RARS2: variants seen among roughly 807,000 people sequenced by gnomAD.
RARS2 encodes the protein arginyl-tRNA synthetase 2, mitochondrial, also known as probable arginine--tRNA ligase, mitochondrial.
Under a neutral mutation model 88.5 loss-of-function variants are expected in RARS2, and 67 were observed. The observed-to-expected ratio is 0.76, with a 90% CI of 0.62 to 0.93. The LOEUF (loss-of-function observed/expected upper bound fraction) is 0.93. RARS2 is among the 40% of genes least tolerant of loss of function. The probability of loss-of-function intolerance (pLI) is 0.00; values close to 1 mark genes in which losing one functional copy is unlikely to be tolerated. For missense variants in RARS2, 664 were observed against 684.2 expected (o/e 0.97, Z 0.33); for synonymous variants, 239 against 230.3 (o/e 1.04, Z -0.34).
intron 1 of RARS2, among the ~76,000 whole-genome samples, chr6:87,577,344 A>T (rs1771879079): frequency 6.6e-6 from 1 of 152,074 alleles, no homozygotes; most frequent in Admixed American, 6.5e-5. Flanking sequence ...GGTGTACACC[A>T]CCATGCCTGG....
intron 8 of RARS2, among the ~76,000 whole-genome samples, chr6:87,532,149 T>C (rs1346553328): frequency 1.3e-5 from 2 of 152,216 alleles, no homozygotes; most frequent in Admixed American, 6.6e-5. Context: ...TCATAGATGA[T>C]CTATGTTAAT....
chr6:87,552,614 T>C (rs769038024), intron 5 of RARS2, among the ~76,000 whole-genome samples: 2 of 152,146 alleles, frequency 1.3e-5, no homozygotes, highest in Admixed American at 6.5e-5. Flanking sequence ...AGGTTATTTT[T>C]AGATATTTTT....
At chr6:87,535,692 T>C (rs1015076887) in intron 8 of RARS2, among the ~76,000 whole-genome samples, 33 of 150,010 alleles carry the variant, frequency 2.2e-4, no homozygotes, top group African/African-American at 7.9e-4. Flanking sequence ...TTTTTTTTTT[T>C]TTGAGACAGA....
At chr6:87,537,782 G>A (rs1409064691) in intron 8 of RARS2, among the ~76,000 whole-genome samples, 2 of 152,136 alleles carry the variant, frequency 1.3e-5, no homozygotes, top group East Asian at 1.9e-4. Context: ...GTTTTCCTTC[G>A]AATAAATCAG....
rs745922076 is a variant in RARS2, at chr6:87,524,639, C to T, written c.892G>A (p.Val298Ile). The T allele has an allele frequency of 6.2e-7, 1 of 1,611,848 alleles. No homozygotes were observed. The highest frequency in any genetic ancestry group is 1.1e-5 in the South Asian group (1 of 91,014). The part of the protein sequence containing the change: ...LLLKTIKGTA[V>I]VDLSGNGDPS... ...TCGCCATTCCCAGAGAGATCTACTA[C>T]AGCCGTTCCTTTTCTAGAAATTCGA... The change falls in exon 11 of 20, where the codon GTA becomes ATA. Residue 298 changes from valine (V) to isoleucine (I), a missense_variant. Physicochemically the swap from Val to Ile is conservative, Grantham distance 29. Coordinates refer to ENST00000369536, the MANE Select transcript of RARS2 (RefSeq NM_020320.5).
At chr6:87,564,444 G>A in intron 2 of RARS2, 1 of 534,076 alleles carries the variant, frequency 1.9e-6, no homozygotes, top group Non-Finnish European at 3.4e-6. Context: ...CGGATCACCT[G>A]AGGTTGAGTT....
chr6:87,550,845 A>G (rs1287757022), intron 5 of RARS2, among the ~76,000 whole-genome samples: 1 of 151,702 alleles, frequency 6.6e-6, no homozygotes, highest in Non-Finnish European at 1.5e-5. Flanking sequence ...ACAATGTAAA[A>G]TATGTATAGT....
intron 1 of RARS2, among the ~76,000 whole-genome samples, chr6:87,587,779 TTTC>T (rs1290081168): frequency 3.3e-5 from 5 of 152,178 alleles, no homozygotes; most frequent in Non-Finnish European, 5.9e-5. Context: ...AACTTATCTT[TTTC>T]TTTTTTTTGA....
rs72383675 is a variant in RARS2 at position 87,578,958 on chromosome 6, C to CAAAAAAAAA, written c.37-9377_37-9369dup. Among the ~76,000 whole-genome samples, 8 of 41,886 alleles carry CAAAAAAAAA rather than the reference C, an allele frequency of 1.9e-4. 1 individual carries two copies. The highest frequency in any genetic ancestry group is 4.8e-4 in the African/African-American group (5 of 10,446). 27.5% of individuals were successfully genotyped at this position (41,886 alleles called of 152,430 possible). A position where few individuals can be genotyped will look rare whatever the true frequency, so the allele number is the denominator to read the frequency against. On this transcript the variant is annotated intron_variant, in intron 1 of 19. Transcript: ENST00000369536. The stretch of plus-strand genomic sequence containing the variant: ...CTGGAGACAGAGCGAGAGACTGTCT[C>CAAAAAAAAA]AAAAAAAAAAAAAAAAAAAAAAAAA...
chr6:87,519,547 T>C, intron 14 of RARS2, 36 bp downstream of exon 14: 1 of 1,588,718 alleles, frequency 6.3e-7, no homozygotes, highest in East Asian at 2.2e-5. Context: ...AAGTGGCACG[T>C]AAGTTATGAC....
chr6:87,538,013 C>CTGTTATTCTTA (rs1401729817), intron 8 of RARS2, among the ~76,000 whole-genome samples: 1 of 152,148 alleles, frequency 6.6e-6, no homozygotes, highest in Non-Finnish European at 1.5e-5. Context: ...AGAATAACAT[C>CTGTTATTCTTA]AACATTTGCT....
chr6:87,562,664 A>G, intron 4 of RARS2, 38 bp downstream of exon 4: 1 of 1,481,598 alleles, frequency 6.7e-7, no homozygotes. Flanking sequence ...AAGCAGACAG[A>G]ATGAAAGCAC....
chr6:87,529,450 A>G (rs1776750048), intron 10 of RARS2, 92 bp downstream of exon 10: 8 of 850,144 alleles, frequency 9.4e-6, no homozygotes, highest in Non-Finnish European at 1.6e-5. Context: ...AGAAAGCTGC[A>G]CATTGCATTC....
At chr6:87,540,109 T>C (rs184539940) in intron 8 of RARS2, among the ~76,000 whole-genome samples, 3 of 152,184 alleles carry the variant, frequency 2.0e-5, no homozygotes, top group Admixed American at 2.0e-4. Flanking sequence ...GAGTGCAGTG[T>C]TGGCATGGAC....
At chr6:87,542,713 A>C (rs934748576) in intron 7 of RARS2, among the ~76,000 whole-genome samples, 20 of 151,752 alleles carry the variant, frequency 1.3e-4, no homozygotes, top group African/African-American at 4.8e-4. Context: ...TACATATCAA[A>C]ATTCCTAGTA....
At chr6:87,535,677 T>C (rs1048059116) in intron 8 of RARS2, among the ~76,000 whole-genome samples, 2 of 33,274 alleles carry the variant, frequency 6.0e-5, no homozygotes, top group Admixed American at 4.0e-4. Flanking sequence ...AACTGTTTTG[T>C]TTTTTTTTTT....
At chr6:87,516,192 A>T (rs1020943465) in intron 18 of RARS2, among the ~76,000 whole-genome samples, 1 of 152,192 alleles carries the variant, frequency 6.6e-6, no homozygotes. Flanking sequence ...GGTGGACTCA[A>T]TTTTGATTTC....
chr6:87,566,660 T>A (rs1302962334), intron 2 of RARS2, among the ~76,000 whole-genome samples: 1 of 151,112 alleles, frequency 6.6e-6, no homozygotes, highest in Admixed American at 6.6e-5. Flanking sequence ...GCCTGGGCAA[T>A]GTAGGCAGAC....
At position 87,541,968 on chromosome 6, in the gene RARS2, A is replaced by T; in HGVS notation, c.562T>A (p.Phe188Ile). 1 of 1,613,648 alleles carries T rather than the reference A, an allele frequency of 6.2e-7. No homozygotes were observed. The highest frequency in any genetic ancestry group is 2.2e-5 in the East Asian group (1 of 44,856). ...FGLLGTGFQLFGYEEKLQSNP... is the reference protein window; with the variant it reads ...FGLLGTGFQLIGYEEKLQSNP... The stretch of plus-strand genomic sequence containing the variant: ...GACTGCAGTTTTTCCTCATAGCCAA[A>T]CAGCTGGAAGCCAGTTCCCAGAAGA... The change falls in exon 8 of 20, where the codon TTT (phenylalanine) becomes ATT (isoleucine). Residue 188 changes from phenylalanine to isoleucine, a missense_variant. Coordinates refer to ENST00000369536, the MANE Select transcript of RARS2 (RefSeq NM_020320.5).
Sources: allele counts gnomAD v4.1 joint callset (sites outside exome capture counted in the v4.1 genomes callset), GRCh38; gene constraint gnomAD v4.1.1; transcripts MANE v1.5; gene names NCBI Gene and HGNC (gene_info 2026-07-23, HGNC 2026-07-21).